The following AKAP12 variants were observed in gnomAD, a reference collection of about 807,000 sequenced individuals.
AKAP12 encodes A-kinase anchoring protein 12.
Under a neutral mutation model 79.9 loss-of-function variants are expected in AKAP12, and 32 were observed. The ratio of observed to expected loss-of-function variants is 0.40; its 90% CI spans 0.30 to 0.54. The LOEUF is 0.54. Among genes scored for constraint, AKAP12 ranks in the 20% least tolerant of loss-of-function variants. The pLI is 0.48. For missense variants in AKAP12, 2,074 were observed against 2,177.0 expected, an observed-to-expected ratio of 0.95 and a Z score of 0.94; for synonymous variants, 808 against 857.0, an observed-to-expected ratio of 0.94 and a Z score of 1.00.
chr6:151,288,072 G>A (rs975019214), intron 2 of AKAP12, among the ~76,000 whole-genome samples: 1 of 151,982 alleles, frequency 6.6e-6, no homozygotes, highest in Admixed American at 6.6e-5. Context: ...TGGGGAGTGG[G>A]GGGCTAGGGG....
chr6:151,319,418 C>T (rs1259792072), intron 3 of AKAP12, among the ~76,000 whole-genome samples: 1 of 150,014 alleles, frequency 6.7e-6, no homozygotes, highest in Non-Finnish European at 1.5e-5. Flanking sequence ...TCTATACACA[C>T]CCTGAATCTA....
chr6:151,291,767 G>C (rs9371209), intron 2 of AKAP12, among the ~76,000 whole-genome samples: 2 of 152,258 alleles, frequency 1.3e-5, no homozygotes, highest in East Asian at 3.9e-4. Context: ...TTAAGTAACC[G>C]ATGGATGCCA....
Position 151,356,562 on chromosome 6 carries a change from ATTG to A in AKAP12, c.*853_*855del, listed in dbSNP as rs1364436763. ...TGTTTTATATGTTATGAAGAAAAGA[ATTG>A]TTGTAAGTTTTTGATTCTACTCTTA... On this transcript the variant is annotated 3_prime_UTR_variant, in exon 5 of 5. Coordinates refer to ENST00000402676, the MANE Select transcript of AKAP12 (RefSeq NM_005100.4). The A allele has an allele frequency of 6.6e-6, 1 of 152,224 alleles. No individual in the cohort carries two copies. Among genetic ancestry groups the A allele is most frequent in the East Asian group, 1.9e-4 (1 of 5,200 alleles). The allele number at this position is 152,224 out of a possible 1,614,324, so 9.4% of individuals were successfully genotyped here.
In AKAP12 at chr6:151,282,640, G is replaced by A. The variant is rs529437028; in HGVS notation, c.163-23107G>A. ...CGGGGGAAGGATGTAGCCAGAGGAG[G>A]GCCAGAATGGGGCTCTCCGCAGTGA... is the stretch of plus-strand genomic sequence containing the variant. On this transcript the variant is annotated intron_variant, in intron 2 of 4. Coordinates refer to ENST00000402676, the MANE Select transcript of AKAP12 (RefSeq NM_005100.4). 1.7e-3 allele frequency among the ~76,000 whole-genome samples: 258 copies of A among 152,254 alleles called. 1 individual carries two copies. The highest frequency in any genetic ancestry group is 6.2e-3 in the African/African-American group (257 of 41,560).
intron 3 of AKAP12, among the ~76,000 whole-genome samples, chr6:151,346,754 G>A (rs1181167961): frequency 3.3e-5 from 5 of 152,164 alleles, no homozygotes; most frequent in South Asian, 2.1e-4. Flanking sequence ...CCTTTTACCC[G>A]ATGGTTTTAG....
At chr6:151,284,821 T>A (rs375835185) in intron 2 of AKAP12, among the ~76,000 whole-genome samples, 6 of 152,326 alleles carry the variant, frequency 3.9e-5, no homozygotes, top group East Asian at 1.9e-4. Context: ...CTGTCTTTGA[T>A]GTGTGGCACT....
intron 2 of AKAP12, among the ~76,000 whole-genome samples, chr6:151,297,276 GA>G (rs1195698868): frequency 6.6e-6 from 1 of 151,538 alleles, no homozygotes; most frequent in Non-Finnish European, 1.5e-5. Flanking sequence ...GGAACCTCAG[GA>G]AAAAAAGGGC....
At chr6:151,240,779 GTGGGGGT>G in intron 2 of AKAP12, 55 bp downstream of exon 2, 1 of 1,132,636 alleles carries the variant, frequency 8.8e-7, no homozygotes, top group Non-Finnish European at 1.1e-6. Flanking sequence ...GGGGGTGGGG[GTGGGGGT>G]GGGGGGGTCC....
chr6:151,354,343 A>AGTTTTGTG (rs202205433), intron 4 of AKAP12, among the ~76,000 whole-genome samples: 2 of 150,322 alleles, frequency 1.3e-5, no homozygotes, highest in African/African-American at 4.9e-5. Context: ...TGCAGTTGCT[A>AGTTTTGTG]GTAACTCCCC....
intron 3 of AKAP12, chr6:151,325,743 T>C: frequency 3.2e-6 from 5 of 1,564,570 alleles, no homozygotes; most frequent in Non-Finnish European, 4.3e-6. Context: ...GTCTGGGCGC[T>C]CAGTCCGCTC....
At chr6:151,295,004 T>TAGAATTTA (rs1776693526) in intron 2 of AKAP12, among the ~76,000 whole-genome samples, 1 of 152,192 alleles carries the variant, frequency 6.6e-6, no homozygotes, top group African/African-American at 2.4e-5. Context: ...CTTAACTCTG[T>TAGAATTTA]CTGCGTCAGA....
chr6:151,310,448 T>G (rs1777069744), intron 3 of AKAP12, among the ~76,000 whole-genome samples: 1 of 152,080 alleles, frequency 6.6e-6, no homozygotes, highest in Admixed American at 6.5e-5. Context: ...AATTTTAGAT[T>G]TAAAAGTTTT....
chr6:151,312,665 G>A (rs188320324), intron 3 of AKAP12, among the ~76,000 whole-genome samples: 2,069 of 151,934 alleles, frequency 0.014, 64 homozygotes, highest in African/African-American at 0.047. Context: ...GGTGGCGGGC[G>A]CCTGTAGTCC....
At chr6:151,342,007 C>T (rs2114809994) in intron 3 of AKAP12, among the ~76,000 whole-genome samples, 1 of 152,370 alleles carries the variant, frequency 6.6e-6, no homozygotes, top group Middle Eastern at 3.4e-3. Flanking sequence ...ACGCTCTGCG[C>T]CAGCAGCCTA....
intron 2 of AKAP12, among the ~76,000 whole-genome samples, chr6:151,272,121 C>T (rs554688369): frequency 1.3e-5 from 2 of 152,184 alleles, no homozygotes; most frequent in South Asian, 4.1e-4. Flanking sequence ...GGGATGATCA[C>T]TTGAGGTGAG....
intron 2 of AKAP12, among the ~76,000 whole-genome samples, chr6:151,267,014 C>CAAAAAAAAAA (rs34974747): frequency 2.8e-5 from 1 of 35,340 alleles, no homozygotes; most frequent in African/African-American, 7.5e-5. Flanking sequence ...GACTCCATCT[C>CAAAAAAAAAA]AAAAAAAAAA....
At chr6:151,267,964 G>T (rs1237079378) in intron 2 of AKAP12, among the ~76,000 whole-genome samples, 1 of 152,168 alleles carries the variant, frequency 6.6e-6, no homozygotes, top group Non-Finnish European at 1.5e-5. Context: ...TCGTCCTTGT[G>T]CCCTCTTCAG....
chr6:151,326,806 TTTTG>T (rs1427798732), intron 3 of AKAP12, among the ~76,000 whole-genome samples: 2 of 106,514 alleles, frequency 1.9e-5, no homozygotes, highest in Non-Finnish European at 3.4e-5. Flanking sequence ...AAATCTTTTT[TTTTG>T]TTTGTTTGTT....
At chr6:151,241,374 CAG>C (rs1796972579) in intron 2 of AKAP12, among the ~76,000 whole-genome samples, 1 of 152,254 alleles carries the variant, frequency 6.6e-6, no homozygotes. Context: ...GAAGGAATGA[CAG>C]GTTTCGCAAA....
Sources: gnomAD v4.1 joint callset for allele counts (sites outside exome capture counted in the v4.1 genomes callset) on GRCh38, gnomAD v4.1.1 for gene constraint, MANE v1.5 for transcripts, NCBI Gene and HGNC (gene_info 2026-07-23, HGNC 2026-07-21) for gene names.